Variants in COL4A4 observed in about 807,000 individuals in gnomAD.
The protein encoded by COL4A4 is collagen type IV alpha 4 chain.
COL4A4 carries 105 observed loss-of-function variants against 192.9 expected under a neutral mutation model. The ratio of observed to expected loss-of-function variants is 0.54; its 90% confidence interval spans 0.46 to 0.64. The LOEUF (loss-of-function observed/expected upper bound fraction) is 0.64, where lower values mean the gene tolerates loss of function less well. COL4A4 is among the 30% of genes least tolerant of loss of function. The probability of loss-of-function intolerance (pLI) is 0.00; values close to 1 mark genes in which losing one functional copy is unlikely to be tolerated. For synonymous variants in COL4A4, 762 were observed against 769.9 expected, an observed-to-expected ratio of 0.99 and a Z score of 0.17; for missense variants, 1,967 against 2,169.3, an observed-to-expected ratio of 0.91 and a Z score of 1.85.
intron 35 of COL4A4, among the ~76,000 whole-genome samples, chr2:227,045,913 ATG>A (rs1475673673): frequency 0.038 from 3,426 of 89,750 alleles, 722 homozygotes; most frequent in South Asian, 0.058. Flanking sequence ...ATATATATGT[ATG>A]TATATGTATA....
intron 44 of COL4A4, among the ~76,000 whole-genome samples, chr2:227,015,348 G>A (rs908136244): frequency 1.3e-5 from 2 of 152,222 alleles, no homozygotes; most frequent in Non-Finnish European, 2.9e-5. Flanking sequence ...ACCAGCAGCA[G>A]CAGCGGCAGC....
In COL4A4 at chr2:227,012,369, G is replaced by A. The variant is rs369447395; in HGVS notation, c.4217-72C>T. On this transcript the variant is annotated intron_variant, in intron 44 of 47. Transcript: ENST00000396625. Reference sequence around the variant, plus strand: ...TGCTAGCATTTACCGTGCTTATACCGTATGCCAGCCGTGTGCCAGCCCCAG... The same window carrying A: ...TGCTAGCATTTACCGTGCTTATACCATATGCCAGCCGTGTGCCAGCCCCAG... The A allele has an allele frequency of 3.1e-5, 38 of 1,218,142 alleles. No individual in the cohort carries two copies. The South Asian group carries it at 3.4e-4, about 11-fold the overall frequency. The allele number at this position is 1,218,142 out of a possible 1,614,324, so 75.5% of individuals were successfully genotyped here. A position where few individuals can be genotyped will look rare whatever the true frequency, so the allele number is the denominator to read the frequency against.
At chr2:226,981,664 G>C in the COL4A4 span, among the ~76,000 whole-genome samples, 2 of 152,124 alleles carry the variant, frequency 1.3e-5, no homozygotes, top group Admixed American at 1.3e-4. Context: ...CACACAAAAA[G>C]TGGTTAATTA....
In COL4A4 at chr2:227,144,564, G is replaced by A; in HGVS notation, c.72-6C>T. 1 of 1,599,204 alleles carries A rather than the reference G, an allele frequency of 6.3e-7. No homozygotes were observed. The highest frequency in any genetic ancestry group is 8.6e-7 in the Non-Finnish European group (1 of 1,166,770). On this transcript the variant is annotated splice_region_variant and splice_polypyrimidine_tract_variant and intron_variant, in intron 2 of 47. Coordinates refer to ENST00000396625, the MANE Select transcript of COL4A4 (RefSeq NM_000092.5). Reference sequence around the variant, plus strand: ...AGAGAATGAGTATAAGTGACCTACAGAAAAACAAAAACGCAGATTAATTTA... The same window carrying A: ...AGAGAATGAGTATAAGTGACCTACAAAAAAACAAAAACGCAGATTAATTTA...
At chr2:226,974,277 G>A in the COL4A4 span, among the ~76,000 whole-genome samples, 10 of 149,914 alleles carry the variant, frequency 6.7e-5, no homozygotes, top group African/African-American at 7.4e-5. Context: ...TCGCTCTGTC[G>A]CCCAGGCTGG....
intron 25 of COL4A4, among the ~76,000 whole-genome samples, chr2:227,070,316 C>A (rs1340335311): frequency 3.3e-5 from 5 of 151,982 alleles, no homozygotes; most frequent in Non-Finnish European, 7.4e-5. Flanking sequence ...TGTGGCGATT[C>A]CTCAGGGATC....
the COL4A4 span, among the ~76,000 whole-genome samples, chr2:226,988,997 C>T: frequency 6.6e-6 from 1 of 152,202 alleles, no homozygotes; most frequent in African/African-American, 2.4e-5. Context: ...GTCTCCAAGT[C>T]GTAATTGAGG....
At chr2:227,115,046 GTATA>G (rs546411900) in intron 7 of COL4A4, among the ~76,000 whole-genome samples, 96 of 149,958 alleles carry the variant, frequency 6.4e-4, no homozygotes, top group Middle Eastern at 7.0e-3. Context: ...ACAGTAAAAC[GTATA>G]TATATATATA....
At chr2:227,081,516 C>A (rs1576374820) in intron 23 of COL4A4, among the ~76,000 whole-genome samples, 1 of 152,070 alleles carries the variant, frequency 6.6e-6, no homozygotes, top group Non-Finnish European at 1.5e-5. Context: ...CTTTTGGACT[C>A]AAAAGTAGGA....
rs557862541 is a variant in COL4A4, at chr2:227,113,333, T to A, written c.558+1295A>T. On this transcript the variant is annotated intron_variant, in intron 8 of 47. Transcript: ENST00000396625. ...ATCTACAGGTCATTTTTATTAGGGA[T>A]CTTCTGTTTCCCCTTAAGATAAGGA... Among the ~76,000 whole-genome samples, 10 of 152,268 alleles carry A rather than the reference T, an allele frequency of 6.6e-5. No homozygotes were observed. The South Asian group carries it at 1.2e-3, about 19-fold the overall frequency.
At chr2:227,068,469 A>AT (rs1481015698) in intron 25 of COL4A4, among the ~76,000 whole-genome samples, 1 of 152,202 alleles carries the variant, frequency 6.6e-6, no homozygotes, top group Non-Finnish European at 1.5e-5. Context: ...AAAATCCTCA[A>AT]AAAATACTGG....
chr2:227,050,505 T>C (rs1485774262), intron 33 of COL4A4, among the ~76,000 whole-genome samples: 8 of 152,246 alleles, frequency 5.3e-5, no homozygotes, highest in African/African-American at 1.9e-4. Flanking sequence ...AGATGGATAG[T>C]GAGTTACGTG....
Position 227,158,031 on chromosome 2 carries a change from A to T in COL4A4, c.-102+5976T>A, listed in dbSNP as rs148221976. Among the ~76,000 whole-genome samples the T allele has an allele frequency of 4.1e-4, 63 of 152,250 alleles. 1 individual carries two copies. Among genetic ancestry groups the T allele is most frequent in the African/African-American group, 1.5e-3 (63 of 41,578 alleles). On this transcript the variant is annotated intron_variant, in intron 1 of 47. Transcript: ENST00000396625. ...TAATATTAACAAATAAAATCCATAT[A>T]TATGTAAATGCAAATGACCTAGAAT...
Position 227,007,303 on chromosome 2 carries a change from G to A in COL4A4, c.*22C>T, listed in dbSNP as rs562265530. On this transcript the variant is annotated 3_prime_UTR_variant, in exon 48 of 48. Coordinates refer to ENST00000396625, the MANE Select transcript of COL4A4 (RefSeq NM_000092.5). ...CCCCTAGGAAGTTTCTCTTGGCCAC[G>A]TGTTGGTGAATTTCGCATTCTCTAG... 61 of 1,614,164 alleles carry A rather than the reference G, an allele frequency of 3.8e-5. No individual in the cohort carries two copies. The highest frequency in any genetic ancestry group is 4.7e-5 in the Non-Finnish European group (55 of 1,180,026).
In COL4A4 at chr2:227,019,194, G is replaced by A. The variant is rs4675137; in HGVS notation, c.4216+2854C>T. Among the ~76,000 whole-genome samples, 7 of 152,036 alleles carry A rather than the reference G, an allele frequency of 4.6e-5. No homozygotes were observed. The East Asian group carries it at 1.2e-3, about 25-fold the overall frequency. Reference sequence around the variant, plus strand: ...CATTCTATTGGTCTGAGATTAGGCCGAGGTACCAATATTCTTTCAAGATCC... The same window carrying A: ...CATTCTATTGGTCTGAGATTAGGCCAAGGTACCAATATTCTTTCAAGATCC... On this transcript the variant is annotated intron_variant, in intron 44 of 47. Transcript: ENST00000396625.
At chr2:227,059,709 T>G in intron 27 of COL4A4, 86 bp from the exon 28 acceptor site, 1 of 1,076,132 alleles carries the variant, frequency 9.3e-7, no homozygotes, top group South Asian at 1.3e-5. Context: ...ATAAAAATAC[T>G]TTTCTTAAAA....
chr2:227,041,846 A>AAGAAAGAGAGAGAGAG (rs1559478097), intron 37 of COL4A4, among the ~76,000 whole-genome samples: 46 of 39,302 alleles, frequency 1.2e-3, no homozygotes, highest in Non-Finnish European at 1.8e-3. Context: ...GAAAGAAAGA[A>AAGAAAGAGAGAGAGAG]AGAGAAAGAA....
chr2:227,111,839 TG>T (rs2061228803), intron 8 of COL4A4, 126 bp from the exon 9 acceptor site: 18 of 1,014,364 alleles, frequency 1.8e-5, no homozygotes, highest in Non-Finnish European at 2.7e-5. Context: ...ATTTTTTTGG[TG>T]TTGACTAAAA....
Position 227,010,140 on chromosome 2 carries a change from T to C in COL4A4, c.4522+173A>G, listed in dbSNP as rs921764344. Among the ~76,000 whole-genome samples the C allele has an allele frequency of 7.9e-5, 12 of 152,348 alleles. No individual in the cohort carries two copies. The South Asian group carries it at 2.5e-3, about 32-fold the overall frequency. On this transcript the variant is annotated intron_variant, in intron 46 of 47. Transcript: ENST00000396625. ...CAGAATGAGCTTCTTTGACACTTCA[T>C]AGGATCATAAGTTTAAAGGATTAGC...
Sources: gnomAD v4.1 joint callset for allele counts (sites outside exome capture counted in the v4.1 genomes callset) on GRCh38, gnomAD v4.1.1 for gene constraint, MANE v1.5 for transcripts, NCBI Gene and HGNC (gene_info 2026-07-23, HGNC 2026-07-21) for gene names.